Variants in PTPRM observed in about 807,000 individuals in gnomAD.
PTPRM encodes receptor-type tyrosine-protein phosphatase mu.
In PTPRM, 47 loss-of-function variants were observed where a neutral mutation model predicts 186.7. That is an observed-to-expected ratio of 0.25 (90% CI 0.20 to 0.32). The LOEUF (loss-of-function observed/expected upper bound fraction) is 0.32. PTPRM is among the 10% of genes least tolerant of loss of function. PTPRM has a pLI of 1.00. For missense variants in PTPRM, 1,494 were observed against 1,865.0 expected, an observed-to-expected ratio of 0.80 and a Z score of 3.66; for synonymous variants, 668 against 674.9, an observed-to-expected ratio of 0.99 and a Z score of 0.16.
chr18:8,242,566 C>CA (rs1430249289), intron 14 of PTPRM, among the ~76,000 whole-genome samples: 1 of 152,112 alleles, frequency 6.6e-6, no homozygotes, highest in African/African-American at 2.4e-5. Flanking sequence ...GCTCATCTTT[C>CA]AAAATCTTTG....
chr18:8,373,532 A>C (rs977094573), intron 24 of PTPRM, among the ~76,000 whole-genome samples: 1 of 152,182 alleles, frequency 6.6e-6, no homozygotes, highest in African/African-American at 2.4e-5. Flanking sequence ...ATTCTGGGAG[A>C]AACAAAGTTG....
At chr18:8,374,450 A>T (rs1230516271) in intron 24 of PTPRM, among the ~76,000 whole-genome samples, 1 of 152,198 alleles carries the variant, frequency 6.6e-6, no homozygotes. Context: ...CCAAAATGGG[A>T]TCACTCCTAT....
chr18:8,092,246 G>T (rs1334143586), intron 11 of PTPRM, among the ~76,000 whole-genome samples: 2 of 152,076 alleles, frequency 1.3e-5, no homozygotes, highest in East Asian at 3.9e-4. Flanking sequence ...CAACACATCA[G>T]CTCTGTCACA....
At chr18:7,606,139 T>A (rs2037525653) in intron 1 of PTPRM, among the ~76,000 whole-genome samples, 1 of 151,882 alleles carries the variant, frequency 6.6e-6, no homozygotes, top group Non-Finnish European at 1.5e-5. Flanking sequence ...TCTTTGAAAG[T>A]CCTGCGGATC....
Position 8,119,793 on chromosome 18 carries a change from A to G in PTPRM, c.2167+4966A>G, listed in dbSNP as rs142016826. Among the ~76,000 whole-genome samples, 6 of 152,284 alleles carry G rather than the reference A, an allele frequency of 3.9e-5. No individual in the cohort carries two copies. The East Asian group carries it at 1.2e-3, about 29-fold the overall frequency. On this transcript the variant is annotated intron_variant, in intron 13 of 32. Coordinates refer to ENST00000580170, the MANE Select transcript of PTPRM (RefSeq NM_001105244.2). ...CCCGCTGCACGTAACTGAGATGACC[A>G]TTTAGAAGTCTGATCCACAGGGACC... is the stretch of plus-strand genomic sequence containing the variant.
chr18:8,353,013 C>T (rs611709), intron 23 of PTPRM, among the ~76,000 whole-genome samples: 122,258 of 152,094 alleles, frequency 0.8, 50,502 homozygotes, highest in Middle Eastern at 0.95. Context: ...GTATATACCA[C>T]ATTTTCTTTA....
chr18:8,140,512 C>T (rs1196133107), intron 13 of PTPRM, among the ~76,000 whole-genome samples: 1 of 150,442 alleles, frequency 6.6e-6, no homozygotes, highest in Non-Finnish European at 1.5e-5. Flanking sequence ...TGCAATTTGA[C>T]TGGAATACCA....
At chr18:8,137,469 C>T (rs1286473770) in intron 13 of PTPRM, among the ~76,000 whole-genome samples, 1 of 152,206 alleles carries the variant, frequency 6.6e-6, no homozygotes, top group East Asian at 1.9e-4. Flanking sequence ...AGGGGAGGCT[C>T]CAGGCCTGGG....
At chr18:7,903,656 C>T (rs1827092634) in intron 3 of PTPRM, among the ~76,000 whole-genome samples, 1 of 152,204 alleles carries the variant, frequency 6.6e-6, no homozygotes, top group African/African-American at 2.4e-5. Flanking sequence ...ATTTATTAAA[C>T]TTACGAACAG....
At chr18:8,228,634 G>A (rs2147133344) in intron 14 of PTPRM, among the ~76,000 whole-genome samples, 2 of 149,594 alleles carry the variant, frequency 1.3e-5, no homozygotes, top group Admixed American at 1.3e-4. Context: ...GAGGTCAGGA[G>A]ATCGATACCA....
chr18:7,711,262 C>T (rs1351829654), intron 1 of PTPRM, among the ~76,000 whole-genome samples: 3 of 152,148 alleles, frequency 2.0e-5, no homozygotes, highest in African/African-American at 7.2e-5. Context: ...CAAGGGAAGC[C>T]ATGAGGGACT....
At chr18:7,594,691 C>T (rs2037212090) in intron 1 of PTPRM, among the ~76,000 whole-genome samples, 1 of 152,086 alleles carries the variant, frequency 6.6e-6, no homozygotes. Context: ...GGTTTTATGT[C>T]AGAAAGTTGG....
chr18:7,620,607 A>G (rs576218889), intron 1 of PTPRM, among the ~76,000 whole-genome samples: 24 of 152,270 alleles, frequency 1.6e-4, no homozygotes, highest in African/African-American at 5.8e-4. Context: ...GCTTTTCACA[A>G]ATGTTTTCCA....
chr18:8,362,229 C>A lies in PTPRM; in HGVS notation c.3055-8661C>A, dbSNP rs547207956. Among the ~76,000 whole-genome samples the A allele has an allele frequency of 4.6e-5, 7 of 152,324 alleles. No homozygotes were observed. In the South Asian group the frequency reaches 1.5e-3, roughly 32 times the overall value. ...CGACCTACTCACACATCCCTTGTCG[C>A]AATTAGTTCGCACCTTGCACTTAGC... On this transcript the variant is annotated intron_variant, in intron 23 of 32. Transcript: ENST00000580170.
intron 15 of PTPRM, among the ~76,000 whole-genome samples, chr18:8,247,326 ATTTAAAATAC>A (rs966209071): frequency 1.3e-5 from 2 of 152,184 alleles, no homozygotes; most frequent in African/African-American, 2.4e-5. Flanking sequence ...TTTTGTAAGG[ATTTAAAATAC>A]TAAGGAACAC....
At chr18:8,168,266 C>G (rs1017396792) in intron 14 of PTPRM, among the ~76,000 whole-genome samples, 3 of 152,164 alleles carry the variant, frequency 2.0e-5, no homozygotes, top group African/African-American at 7.2e-5. Flanking sequence ...CACAGCTAAT[C>G]TTAGTTTTAT....
At chr18:8,313,793 T>G (rs1431699420) in intron 20 of PTPRM, among the ~76,000 whole-genome samples, 3 of 152,032 alleles carry the variant, frequency 2.0e-5, no homozygotes, top group Non-Finnish European at 4.4e-5. Context: ...TTCTTATGCC[T>G]TTGTGCCCTC....
At chr18:7,990,455 A>T (rs2083205676) in intron 7 of PTPRM, among the ~76,000 whole-genome samples, 1 of 152,204 alleles carries the variant, frequency 6.6e-6, no homozygotes, top group African/African-American at 2.4e-5. Context: ...ATTGCTGTGT[A>T]CTAAATGGTT....
chr18:7,772,349 C>CTCTTTCTTTCTTTCTTTCTTTCTCTT (rs2042325249), intron 1 of PTPRM, among the ~76,000 whole-genome samples: 1 of 96,034 alleles, frequency 1.0e-5, no homozygotes, highest in African/African-American at 4.7e-5. Flanking sequence ...TTCTTTCTTT[C>CTCTTTCTTTCTTTCTTTCTTTCTCTT]TCTTTCTTTC....
Sources: gnomAD v4.1 joint callset for allele counts (sites outside exome capture counted in the v4.1 genomes callset) on GRCh38, gnomAD v4.1.1 for gene constraint, MANE v1.5 for transcripts, NCBI Gene and HGNC (gene_info 2026-07-23, HGNC 2026-07-21) for gene names.